Variants in SLC1A7 observed in about 807,000 individuals in gnomAD.
The protein encoded by SLC1A7 is excitatory amino acid transporter 5.
SLC1A7 carries 40 observed loss-of-function variants against 47.7 expected under a neutral mutation model. The ratio of observed to expected loss-of-function variants is 0.84; its 90% CI spans 0.65 to 1.09. The LOEUF (loss-of-function observed/expected upper bound fraction) is 1.09. Among genes scored for constraint, SLC1A7 ranks in the 50% least tolerant of loss-of-function variants. SLC1A7 has a pLI of 0.00. For missense variants in SLC1A7, 746 were observed against 769.5 expected, an observed-to-expected ratio of 0.97 and a Z score of 0.36; for synonymous variants, 323 against 325.6, an observed-to-expected ratio of 0.99 and a Z score of 0.09.
chr1:53,121,968 G>C (rs1418240084), intron 2 of SLC1A7, among the ~76,000 whole-genome samples: 4 of 152,054 alleles, frequency 2.6e-5, no homozygotes, highest in African/African-American at 4.8e-5. Context: ...AGGGCAGCTG[G>C]GTAGGCAGCA....
At chr1:53,129,554 GAGAAA>G (rs1324831897) in intron 2 of SLC1A7, among the ~76,000 whole-genome samples, 1,183 of 106,830 alleles carry the variant, frequency 0.011, 4 homozygotes, top group East Asian at 0.02. Context: ...GGCTGGGTTG[GAGAAA>G]TTCTAGAAAA....
chr1:53,094,950 A>G (rs932741089), intron 5 of SLC1A7, among the ~76,000 whole-genome samples: 3 of 152,240 alleles, frequency 2.0e-5, no homozygotes, highest in Non-Finnish European at 1.5e-5. Context: ...AGGGAACCAA[A>G]GAAAGCCCTG....
intron 2 of SLC1A7, among the ~76,000 whole-genome samples, chr1:53,128,433 T>TTCTTCCCACTTTATAGATAAG (rs1332500061): frequency 2.0e-4 from 19 of 94,738 alleles, no homozygotes; most frequent in African/African-American, 2.3e-4. Context: ...GCTGTGGTCA[T>TTCTTCCCACTTTATAGATAAG]GCCACTGCAC....
intron 3 of SLC1A7, among the ~76,000 whole-genome samples, chr1:53,107,355 A>G (rs1047760272): frequency 2.0e-5 from 3 of 152,154 alleles, no homozygotes; most frequent in Non-Finnish European, 4.4e-5. Context: ...GCAACAGAGA[A>G]AAAGGACATT....
rs767251544 is a variant in SLC1A7, at chr1:53,114,760, G to A, written c.429C>T (p.Ile143=). ...MSSADALLDL[I]RNMFPANLVE... ...GGGGTGTGGGTGGCAATAGTTACCG[G>A]ATGAGGTCCAACAGGGCATCGGCTG... The change falls in exon 3 of 11, where the codon ATC becomes ATT. Residue 143 remains isoleucine, a splice_region_variant and synonymous_variant. Coordinates refer to ENST00000371494, the MANE Select transcript of SLC1A7 (RefSeq NM_006671.6). 2.5e-6 allele frequency: 4 copies of A among 1,613,504 alleles called. No individual in the cohort carries two copies. Among genetic ancestry groups the A allele is most frequent in the Admixed American group, 1.7e-5 (1 of 60,026 alleles).
At chr1:53,112,705 A>T (rs1193049763) in intron 3 of SLC1A7, among the ~76,000 whole-genome samples, 2 of 152,140 alleles carry the variant, frequency 1.3e-5, no homozygotes, top group Non-Finnish European at 2.9e-5. Context: ...TCCAATAGGG[A>T]TATGTATGCT....
intron 2 of SLC1A7, among the ~76,000 whole-genome samples, chr1:53,129,589 A>C (rs1473334511): frequency 7.2e-6 from 1 of 139,716 alleles, no homozygotes; most frequent in Non-Finnish European, 1.6e-5. Flanking sequence ...CACAGCTGGA[A>C]GATGCCAGAT....
Position 53,103,335 on chromosome 1 carries a change from G to A in SLC1A7, c.697+11C>T, listed in dbSNP as rs779709141. The A allele has an allele frequency of 1.3e-6, 2 of 1,574,148 alleles. No homozygotes were observed. Among genetic ancestry groups the A allele is most frequent in the Admixed American group, 3.6e-5 (2 of 55,092 alleles). On this transcript the variant is annotated intron_variant, in intron 5 of 10. Coordinates refer to ENST00000371494, the MANE Select transcript of SLC1A7 (RefSeq NM_006671.6). ...CTCCACGGCACTGCTGGGCAGGTGGGCAGCACATACCCATGGTGGCAGAGA... is the reference window on the plus strand; with the variant it reads ...CTCCACGGCACTGCTGGGCAGGTGGACAGCACATACCCATGGTGGCAGAGA...
intron 4 of SLC1A7, 176 bp from the exon 5 acceptor site, chr1:53,103,744 A>C: frequency 7.7e-6 from 4 of 522,504 alleles, no homozygotes; most frequent in East Asian, 6.5e-5. Flanking sequence ...TACCCAAAGA[A>C]AGCTGCAACT....
chr1:53,117,719 A>G lies in SLC1A7; in HGVS notation c.216-2746T>C, dbSNP rs189350432. Reference sequence around the variant, plus strand: ...GTGCAGGTGAGGACTGGATTTCAGGAAAGGATAAAGGCCCCTCAGAAGGCC... The same window carrying G: ...GTGCAGGTGAGGACTGGATTTCAGGGAAGGATAAAGGCCCCTCAGAAGGCC... On this transcript the variant is annotated intron_variant, in intron 2 of 10. Transcript: ENST00000371494. 3.8e-3 allele frequency among the ~76,000 whole-genome samples: 573 copies of G among 152,270 alleles called. 7 individuals are homozygous for G. The highest frequency in any genetic ancestry group is 0.013 in the African/African-American group (555 of 41,542).
At chr1:53,134,901 A>G (rs1644975991) in intron 1 of SLC1A7, among the ~76,000 whole-genome samples, 1 of 152,170 alleles carries the variant, frequency 6.6e-6, no homozygotes. Flanking sequence ...ATTAGAATAT[A>G]CTGTAATAAA....
intron 2 of SLC1A7, among the ~76,000 whole-genome samples, chr1:53,119,526 T>A (rs1159868058): frequency 6.6e-6 from 1 of 152,044 alleles, no homozygotes; most frequent in African/African-American, 2.4e-5. Context: ...TTTTTAAAAA[T>A]TTTTAGTAGA....
At position 53,088,098 on chromosome 1, in the gene SLC1A7, G is replaced by T; in HGVS notation, c.1594C>A (p.Pro532Thr). ...TLGPTCPHHV[P>T]VQVEQDEELP... ...TCCTCATCCTGCTCCACTTGAACGGGGACGTGGTGGGGGCAGGTGGGGCCC... is the reference window on the plus strand; with the variant it reads ...TCCTCATCCTGCTCCACTTGAACGGTGACGTGGTGGGGGCAGGTGGGGCCC... Residue 532 changes from proline (P) to threonine (T), a missense_variant, in exon 11 of 11, where the codon CCC becomes ACC. Coordinates refer to ENST00000371494, the MANE Select transcript of SLC1A7 (RefSeq NM_006671.6). The T allele has an allele frequency of 6.2e-7, 1 of 1,612,030 alleles. No homozygotes were observed.
At position 53,093,575 on chromosome 1, in the gene SLC1A7, C is replaced by T. The variant is rs12045217; in HGVS notation, c.698-15G>A. 0.067 allele frequency: 105,420 copies of T among 1,582,796 alleles called. 5,937 individuals carry two copies. The highest frequency in any genetic ancestry group is 0.26 in the Admixed American group (14,588 of 56,496). Reference sequence around the variant, plus strand: ...CAGCATGATGCCTGCGGGTCAGGGACACAGTGCTGTGGTAAAGCAGGGACA... The same window carrying T: ...CAGCATGATGCCTGCGGGTCAGGGATACAGTGCTGTGGTAAAGCAGGGACA... On this transcript the variant is annotated splice_polypyrimidine_tract_variant and intron_variant, in intron 5 of 10. Transcript: ENST00000371494.
At chr1:53,088,831 G>T in intron 10 of SLC1A7, 46 bp downstream of exon 10, 1 of 1,496,790 alleles carries the variant, frequency 6.7e-7, no homozygotes, top group Non-Finnish European at 9.3e-7. Context: ...TGCCCACCCT[G>T]CGTGGCTCCA....
chr1:53,112,252 G>A (rs1224101492), intron 3 of SLC1A7, among the ~76,000 whole-genome samples: 11 of 152,080 alleles, frequency 7.2e-5, no homozygotes, highest in East Asian at 1.9e-4. Flanking sequence ...GAATCCTGTC[G>A]CCACCATGAA....
intron 2 of SLC1A7, among the ~76,000 whole-genome samples, chr1:53,120,519 G>A (rs147521182): frequency 6.6e-6 from 1 of 152,058 alleles, no homozygotes; most frequent in African/African-American, 2.4e-5. Context: ...CGTCCACTCT[G>A]CTCCTGGAAG....
At chr1:53,107,206 G>T in intron 3 of SLC1A7, among the ~76,000 whole-genome samples, 1 of 114,570 alleles carries the variant, frequency 8.7e-6, no homozygotes. Flanking sequence ...AAAGCTAGAA[G>T]AAATATAGGT....
chr1:53,110,519 G>T (rs1644690997), intron 3 of SLC1A7, among the ~76,000 whole-genome samples: 1 of 152,124 alleles, frequency 6.6e-6, no homozygotes, highest in African/African-American at 2.4e-5. Context: ...CCAAGAGCAG[G>T]AAACACTCTG....
Sources: gnomAD v4.1 joint callset for allele counts (sites outside exome capture counted in the v4.1 genomes callset) on GRCh38, gnomAD v4.1.1 for gene constraint, MANE v1.5 for transcripts, NCBI Gene and HGNC (gene_info 2026-07-23, HGNC 2026-07-21) for gene names.